The following ARB2A variants were observed in gnomAD, a reference collection of about 807,000 sequenced individuals.
The protein encoded by ARB2A is ARB2 cotranscriptional regulator A, also known as cotranscriptional regulator ARB2A.
chr5:93,956,466 A>G, the ARB2A span, among the ~76,000 whole-genome samples: 2 of 152,238 alleles, frequency 1.3e-5, no homozygotes, highest in Non-Finnish European at 2.9e-5. Flanking sequence ...TGCAGGGAAT[A>G]TAAGGAAATA....
chr5:93,625,664 T>C, the ARB2A span, among the ~76,000 whole-genome samples: 3 of 152,200 alleles, frequency 2.0e-5, no homozygotes, highest in African/African-American at 4.8e-5. Context: ...TGAAAAAGAT[T>C]AGAAACTCTA....
At chr5:93,973,629 G>C in the ARB2A span, among the ~76,000 whole-genome samples, 1 of 151,598 alleles carries the variant, frequency 6.6e-6, no homozygotes, top group Admixed American at 6.6e-5. Context: ...GACTATCCAA[G>C]ATCAATGCAA....
the ARB2A span, among the ~76,000 whole-genome samples, chr5:93,887,382 G>A: frequency 6.6e-6 from 1 of 151,594 alleles, no homozygotes; most frequent in Non-Finnish European, 1.5e-5. Flanking sequence ...AGGAGCTCAA[G>A]AACATAAAGA....
At chr5:93,951,932 C>T in the ARB2A span, among the ~76,000 whole-genome samples, 1 of 152,036 alleles carries the variant, frequency 6.6e-6, no homozygotes, top group Non-Finnish European at 1.5e-5. Context: ...GTGGTAAATC[C>T]CTGGAAGGTG....
the ARB2A span, among the ~76,000 whole-genome samples, chr5:93,987,090 C>A: frequency 0.71 from 107,610 of 151,954 alleles, 39,973 homozygotes; most frequent in South Asian, 0.85. Flanking sequence ...ATTAAATATA[C>A]ACAAAATTAT....
the ARB2A span, among the ~76,000 whole-genome samples, chr5:93,787,186 C>G: frequency 1.3e-5 from 2 of 151,998 alleles, no homozygotes; most frequent in Non-Finnish European, 2.9e-5. Flanking sequence ...AAGATAAGAC[C>G]ATGTGATCTA....
the ARB2A span, among the ~76,000 whole-genome samples, chr5:93,909,460 C>T: frequency 1.3e-5 from 2 of 150,828 alleles, no homozygotes; most frequent in African/African-American, 4.8e-5. Flanking sequence ...TTGATCTCTA[C>T]AAACGTATTA....
chr5:93,687,684 T>A, the ARB2A span, among the ~76,000 whole-genome samples: 1 of 152,238 alleles, frequency 6.6e-6, no homozygotes, highest in Non-Finnish European at 1.5e-5. Flanking sequence ...ACAATGTGCA[T>A]ATGAGTCTGT....
chr5:93,966,105 G>C, the ARB2A span, among the ~76,000 whole-genome samples: 1 of 152,026 alleles, frequency 6.6e-6, no homozygotes, highest in African/African-American at 2.4e-5. Context: ...AAAATGTGGA[G>C]GTTCAAACTA....
At chr5:93,763,846 G>A in the ARB2A span, among the ~76,000 whole-genome samples, 1 of 152,122 alleles carries the variant, frequency 6.6e-6, no homozygotes, top group Non-Finnish European at 1.5e-5. Context: ...ATAACAAACT[G>A]TCTCTCAGAC....
At chr5:94,081,151 C>T in the ARB2A span, among the ~76,000 whole-genome samples, 6 of 152,118 alleles carry the variant, frequency 3.9e-5, no homozygotes, top group Non-Finnish European at 7.4e-5. Flanking sequence ...TGCACAATAA[C>T]TAGCATGGCT....
the ARB2A span, among the ~76,000 whole-genome samples, chr5:93,884,875 T>G: frequency 6.6e-6 from 1 of 151,598 alleles, no homozygotes; most frequent in African/African-American, 2.4e-5. Flanking sequence ...TAAAGTTAAC[T>G]ATCCCACCTA....
the ARB2A span, among the ~76,000 whole-genome samples, chr5:93,673,636 C>T: frequency 2.2e-4 from 33 of 152,234 alleles, no homozygotes; most frequent in African/African-American, 7.2e-4. Context: ...TTCTGACTGC[C>T]TTTAGTCTCA....
At chr5:93,860,317 A>G in the ARB2A span, among the ~76,000 whole-genome samples, 1 of 152,110 alleles carries the variant, frequency 6.6e-6, no homozygotes, top group Non-Finnish European at 1.5e-5. Flanking sequence ...ATCTTATACT[A>G]TAATAGCAAA....
At chr5:94,005,853 A>C in the ARB2A span, among the ~76,000 whole-genome samples, 1 of 152,156 alleles carries the variant, frequency 6.6e-6, no homozygotes, top group Admixed American at 6.5e-5. Context: ...CATTCGTCAA[A>C]ATGACTGAAA....
the ARB2A span, among the ~76,000 whole-genome samples, chr5:93,877,863 T>C: frequency 6.6e-6 from 1 of 152,016 alleles, no homozygotes; most frequent in Non-Finnish European, 1.5e-5. Context: ...AGCACAAAGT[T>C]TGTACAGGGT....
the ARB2A span, among the ~76,000 whole-genome samples, chr5:93,687,548 G>A: frequency 2.0e-5 from 3 of 152,264 alleles, no homozygotes; most frequent in African/African-American, 7.2e-5. Context: ...GAAGAAAGTT[G>A]TATCTACATA....
the ARB2A span, among the ~76,000 whole-genome samples, chr5:94,004,998 C>CAAAAAAAAAAAAAAAAA: frequency 8.0e-4 from 10 of 12,546 alleles, 1 homozygote; most frequent in Middle Eastern, 0.17. Flanking sequence ...ATTTTATCAG[C>CAAAAAAAAAAAAAAAAA]AAAAAAAAAA....
At chr5:94,048,840 C>T in the ARB2A span, among the ~76,000 whole-genome samples, 1 of 152,166 alleles carries the variant, frequency 6.6e-6, no homozygotes, top group African/African-American at 2.4e-5. Context: ...TCTTCGAAGC[C>T]TGTTTCCTAT....
Sources: gnomAD v4.1 joint callset for allele counts (sites outside exome capture counted in the v4.1 genomes callset) on GRCh38, gnomAD v4.1.1 for gene constraint, MANE v1.5 for transcripts, NCBI Gene and HGNC (gene_info 2026-07-23, HGNC 2026-07-21) for gene names.